The following ANK3 variants were observed in gnomAD, a reference collection of about 807,000 sequenced individuals.
The protein encoded by ANK3 is ankyrin 3.
ANK3 carries 57 observed loss-of-function variants against 370.9 expected under a neutral mutation model. The ratio of observed to expected loss-of-function variants is 0.15; its 90% CI spans 0.12 to 0.19. The LOEUF is 0.19. ANK3 is among the 10% of genes least tolerant of loss of function. The pLI is 1.00. For missense variants in ANK3, 4,439 were observed against 5,302.1 expected (o/e 0.84, Z 5.06); for synonymous variants, 1,929 against 1,946.3 (o/e 0.99, Z 0.23).
chr10:60,441,299 C>A (rs1432319340), intron 2 of ANK3, among the ~76,000 whole-genome samples: 2 of 152,094 alleles, frequency 1.3e-5, no homozygotes, highest in Non-Finnish European at 1.5e-5. Flanking sequence ...TGAGAACATG[C>A]AATTTCTTGA....
chr10:60,526,124 G>T (rs1341118611), intron 2 of ANK3, among the ~76,000 whole-genome samples: 2 of 152,016 alleles, frequency 1.3e-5, no homozygotes, highest in Non-Finnish European at 2.9e-5. Flanking sequence ...CCATCCTAAT[G>T]GTATTTTTCA....
At chr10:60,516,170 C>T (rs2076213607) in intron 2 of ANK3, among the ~76,000 whole-genome samples, 2 of 151,996 alleles carry the variant, frequency 1.3e-5, no homozygotes, top group African/African-American at 4.8e-5. Flanking sequence ...TCACCTCCCT[C>T]CAACAGTCAT....
At chr10:60,051,661 C>CTTA in intron 42 of ANK3, 8 of 149,400 alleles carry the variant, frequency 5.4e-5, no homozygotes, top group Non-Finnish European at 8.4e-5. Context: ...TTGATGTTTT[C>CTTA]TTCTTTTTTT....
chr10:60,218,138 A>T (rs2096976120), intron 8 of ANK3, among the ~76,000 whole-genome samples: 2 of 126,202 alleles, frequency 1.6e-5, no homozygotes, highest in Admixed American at 7.9e-5. Flanking sequence ...TGCTTGGTAA[A>T]TTTTTCTCCA....
At chr10:60,550,378 G>A (rs1386932202) in intron 2 of ANK3, among the ~76,000 whole-genome samples, 1 of 151,766 alleles carries the variant, frequency 6.6e-6, no homozygotes, top group East Asian at 1.9e-4. Context: ...TGATACAAAT[G>A]TATCTTGAAA....
At chr10:60,090,629 G>A (rs2088052426) in intron 28 of ANK3, among the ~76,000 whole-genome samples, 1 of 152,174 alleles carries the variant, frequency 6.6e-6, no homozygotes, top group South Asian at 2.1e-4. Flanking sequence ...GCAATTCACA[G>A]AAGCTGAAAA....
intron 2 of ANK3, among the ~76,000 whole-genome samples, chr10:60,586,156 G>A (rs2077828515): frequency 1.3e-5 from 2 of 152,150 alleles, no homozygotes; most frequent in East Asian, 1.9e-4. Context: ...AATGCAAGAG[G>A]TGTATAGATT....
chr10:60,481,973 T>A (rs1244734004), intron 2 of ANK3, among the ~76,000 whole-genome samples: 4 of 152,178 alleles, frequency 2.6e-5, no homozygotes, highest in Non-Finnish European at 5.9e-5. Context: ...GAAGCGTCAG[T>A]GGAGACTGCT....
intron 18 of ANK3, among the ~76,000 whole-genome samples, chr10:60,175,617 G>A (rs1311476809): frequency 1.3e-5 from 2 of 151,980 alleles, no homozygotes; most frequent in Non-Finnish European, 2.9e-5. Context: ...AAATGCATCC[G>A]AGTCTTTAAC....
Position 60,029,119 on chromosome 10 carries a change from G to GT in ANK3, c.*726dup, listed in dbSNP as rs1010632525. The stretch of plus-strand genomic sequence containing the variant: ...AATTTGCAGCAGATTTTAAAGATTT[G>GT]TTTTTTTTTAAAATCAAGCTAGCAG... On this transcript the variant is annotated 3_prime_UTR_variant, in exon 44 of 44. Transcript: ENST00000280772. The GT allele has an allele frequency of 5.7e-4, 87 of 151,470 alleles. No individual in the cohort carries two copies. The highest frequency in any genetic ancestry group is 1.8e-3 in the African/African-American group (75 of 41,178). 9.4% of individuals were successfully genotyped at this position (151,470 alleles called of 1,614,324 possible).
intron 1 of ANK3, among the ~76,000 whole-genome samples, chr10:60,650,208 A>G (rs2078768005): frequency 6.6e-6 from 1 of 152,222 alleles, no homozygotes; most frequent in Non-Finnish European, 1.5e-5. Context: ...CAAGGGGCCA[A>G]ATCCAGCCTG....
chr10:60,361,968 A>G (rs574507211), intron 1 of ANK3, among the ~76,000 whole-genome samples: 1 of 152,342 alleles, frequency 6.6e-6, no homozygotes, highest in East Asian at 1.9e-4. Flanking sequence ...TTAAGGTTGA[A>G]AAATGTTACC....
At chr10:60,095,135 A>G (rs1564969062) in intron 28 of ANK3, among the ~76,000 whole-genome samples, 2 of 152,218 alleles carry the variant, frequency 1.3e-5, no homozygotes, top group African/African-American at 4.8e-5. Context: ...TAAAATTATT[A>G]GTTGTTTTAA....
At chr10:60,660,923 C>T (rs545991164) in intron 1 of ANK3, among the ~76,000 whole-genome samples, 1 of 152,044 alleles carries the variant, frequency 6.6e-6, no homozygotes, top group Admixed American at 6.6e-5. Flanking sequence ...CACACTCACA[C>T]ACACACACAC....
chr10:60,336,627 T>C (rs1450586278), intron 1 of ANK3, among the ~76,000 whole-genome samples: 3 of 152,210 alleles, frequency 2.0e-5, no homozygotes, highest in African/African-American at 7.2e-5. Flanking sequence ...GGCTTATCTA[T>C]ATTTTCTAAA....
At chr10:60,474,254 A>G (rs1938534) in intron 2 of ANK3, among the ~76,000 whole-genome samples, 2,640 of 126,992 alleles carry the variant, frequency 0.021, 35 homozygotes, top group Non-Finnish European at 0.033. Context: ...CAGGTAGTGC[A>G]GGAAAGGGAC....
At chr10:60,689,441 CACTT>C (rs948883337) in intron 1 of ANK3, among the ~76,000 whole-genome samples, 3 of 151,932 alleles carry the variant, frequency 2.0e-5, no homozygotes, top group African/African-American at 7.3e-5. Flanking sequence ...CAAATGAAAT[CACTT>C]ACAGCAGTTA....
intron 25 of ANK3, among the ~76,000 whole-genome samples, chr10:60,115,364 C>A (rs984348847): frequency 2.0e-5 from 3 of 152,170 alleles, no homozygotes; most frequent in African/African-American, 7.2e-5. Flanking sequence ...AGGAATATAT[C>A]ACCATCGGGT....
intron 2 of ANK3, chr10:60,572,377 C>A: frequency 7.6e-7 from 1 of 1,307,504 alleles, no homozygotes; most frequent in South Asian, 1.5e-5. Flanking sequence ...AAATCTAAAG[C>A]CAATCTCTTA....
Sources: gnomAD v4.1 joint callset for allele counts (sites outside exome capture counted in the v4.1 genomes callset) on GRCh38, gnomAD v4.1.1 for gene constraint, MANE v1.5 for transcripts, NCBI Gene and HGNC (gene_info 2026-07-23, HGNC 2026-07-21) for gene names.